MRPS30: variants seen among roughly 807,000 people sequenced by gnomAD.
MRPS30 encodes the protein mitochondrial ribosomal protein S30.
In MRPS30, 42 loss-of-function variants were observed where a neutral mutation model predicts 43.8. That is an observed-to-expected ratio of 0.96 (90% CI 0.75 to 1.24). MRPS30 has a LOEUF of 1.24. Ranked by LOEUF, MRPS30 falls within the 50% of genes most tolerant of loss-of-function variation. The pLI, the probability that MRPS30 is intolerant of heterozygous loss-of-function variation, is 0.00. For synonymous variants in MRPS30, 273 were observed against 228.2 expected (o/e 1.20, Z -1.77); for missense variants, 638 against 570.0 (o/e 1.12, Z -1.22).
intron 1 of MRPS30, 149 bp from the exon 2 acceptor site, chr5:44,810,860 C>T: frequency 1.6e-6 from 1 of 629,736 alleles, no homozygotes; most frequent in Non-Finnish European, 2.6e-6. Flanking sequence ...ATATTTAAGT[C>T]ATAATAGTTA....
chr5:44,812,064 G>C lies in MRPS30; in HGVS notation c.853+44G>C, dbSNP rs141469293. 9.4e-4 allele frequency: 1,298 copies of C among 1,379,916 alleles called. 12 individuals are homozygous for C. The African/African-American group carries it at 0.016, about 17-fold the overall frequency. The allele number at this position is 1,379,916 out of a possible 1,614,324, so 85.5% of individuals were successfully genotyped here. A position where few individuals can be genotyped will look rare whatever the true frequency, so the allele number is the denominator to read the frequency against. On this transcript the variant is annotated intron_variant, in intron 3 of 4. Transcript: ENST00000507110. ...ATATTGTACCATAAATGTGTTCCAA[G>C]TGTCGTATGCAAATTTGGAGTATTG...
intron 3 of MRPS30, 142 bp downstream of exon 3, chr5:44,812,162 AG>A: frequency 2.2e-6 from 1 of 461,986 alleles, no homozygotes; most frequent in Non-Finnish European, 3.9e-6. Context: ...TCGTAATCTC[AG>A]GTTATTACAA....
chr5:44,812,915 T>A (rs554282419), intron 3 of MRPS30, among the ~76,000 whole-genome samples, 191 bp from the exon 4 acceptor site: 12 of 152,156 alleles, frequency 7.9e-5, no homozygotes, highest in Non-Finnish European at 1.6e-4. Context: ...TGAGAAATTA[T>A]GCTTTCCTGT....
rs895447600 is a variant in MRPS30 at position 44,809,216 on chromosome 5, A to G, written c.254A>G (p.Lys85Arg). ...SVDEKLRILT[K>R]MQFMKYMVYP... ...GACGAGAAGCTGCGAATCCTCACCAAGATGCAGTTTATGAAGTACATGGTT... is the reference window on the plus strand; with the variant it reads ...GACGAGAAGCTGCGAATCCTCACCAGGATGCAGTTTATGAAGTACATGGTT... The change falls in exon 1 of 5, where the codon AAG becomes AGG. Residue 85 changes from lysine to arginine, a missense_variant. Coordinates refer to ENST00000507110, the MANE Select transcript of MRPS30 (RefSeq NM_016640.4). 1.9e-6 allele frequency: 3 copies of G among 1,613,600 alleles called. No homozygotes were observed. The Admixed American group carries it at 5.0e-5, about 27-fold the overall frequency.
chr5:44,813,248 T>C lies in MRPS30; in HGVS notation c.996T>C (p.Leu332=), dbSNP rs1742871889. The C allele has an allele frequency of 3.7e-6, 6 of 1,609,170 alleles. 1 individual carries two copies. The South Asian group carries it at 6.7e-5, about 18-fold the overall frequency. The change falls in exon 4 of 5, where the codon CTT becomes CTC. Residue 332 remains leucine, a synonymous_variant. Transcript: ENST00000507110. ...TTAGAGCTAATGCTATTGCAAGCCTTTTTGCTTGGACTGGAGCACAAGCTA... is the reference window on the plus strand; with the variant it reads ...TTAGAGCTAATGCTATTGCAAGCCTCTTTGCTTGGACTGGAGCACAAGCTA... ...VVFRANAIAS[L]FAWTGAQAMY...
chr5:44,812,116 G>T, intron 3 of MRPS30, 96 bp downstream of exon 3: 3 of 817,046 alleles, frequency 3.7e-6, no homozygotes, highest in Non-Finnish European at 3.9e-6. Flanking sequence ...AATTCTCGAA[G>T]ACCGAGAGGT....
At chr5:44,812,998 G>A in intron 3 of MRPS30, 108 bp from the exon 4 acceptor site, 1 of 927,186 alleles carries the variant, frequency 1.1e-6, no homozygotes, top group South Asian at 1.6e-5. Context: ...TTAGAGTACT[G>A]AGAATATGAT....
At position 44,813,086 on chromosome 5, in the gene MRPS30, G is replaced by A. The variant is rs780586707; in HGVS notation, c.854-20G>A. 1 of 1,606,688 alleles carries A rather than the reference G, an allele frequency of 6.2e-7. No homozygotes were observed. Among genetic ancestry groups the A allele is most frequent in the South Asian group, 1.1e-5 (1 of 89,102 alleles). Reference sequence around the variant, plus strand: ...TCTACATGTTTGTTTCATCTGAAATGTTTTTATTTTGCTCTTCAGGCTCAA... The same window carrying A: ...TCTACATGTTTGTTTCATCTGAAATATTTTTATTTTGCTCTTCAGGCTCAA... On this transcript the variant is annotated intron_variant, in intron 3 of 4. Transcript: ENST00000507110.
intron 3 of MRPS30, 86 bp downstream of exon 3, chr5:44,812,106 A>C (rs2111856393): frequency 3.3e-6 from 3 of 921,482 alleles, no homozygotes; most frequent in Non-Finnish European, 4.9e-6. Context: ...ATGAGGAATT[A>C]ATTCTCGAAG....
Position 44,813,143 on chromosome 5 carries a change from C to T in MRPS30, c.891C>T (p.Thr297=). ...KTADPCCYGH[T]QFHLLPDKLR... ...CAGATCCTTGCTGTTACGGTCACAC[C>T]CAGTTTCATCTGTTACCTGACAAAT... The change falls in exon 4 of 5, where the codon ACC becomes ACT. Residue 297 remains threonine, a synonymous_variant. Coordinates refer to ENST00000507110, the MANE Select transcript of MRPS30 (RefSeq NM_016640.4). 1 of 1,613,182 alleles carries T rather than the reference C, an allele frequency of 6.2e-7. No individual in the cohort carries two copies. The highest frequency in any genetic ancestry group is 8.5e-7 in the Non-Finnish European group (1 of 1,179,630).
In MRPS30 at chr5:44,814,895, C is replaced by A; in HGVS notation, c.1031-18C>A. On this transcript the variant is annotated intron_variant, in intron 4 of 4. Transcript: ENST00000507110. ...GATATATTCTATGTGTAAATTTCAG[C>A]ATAACTTTCTTCTACAGGATTCTGG... The A allele has an allele frequency of 6.3e-7, 1 of 1,579,870 alleles. No individual in the cohort carries two copies. Among genetic ancestry groups the A allele is most frequent in the Non-Finnish European group, 8.6e-7 (1 of 1,163,820 alleles).
Position 44,809,271 on chromosome 5 carries a change from C to T in MRPS30, c.309C>T (p.Asp103=), listed in dbSNP as rs144310922. The part of the protein sequence containing the change: ...VYPQTFALNA[D]RWYQYFTKTV... ...CGCAGACCTTCGCGCTGAATGCCGA[C>T]CGCTGGTACCAGTACTTCACCAAGA... Residue 103 remains aspartate, a synonymous_variant, in exon 1 of 5, where the codon GAC becomes GAT. Transcript: ENST00000507110. 6.2e-7 allele frequency: 1 copy of T among 1,613,378 alleles called. No homozygotes were observed. The highest frequency in any genetic ancestry group is 1.3e-5 in the African/African-American group (1 of 74,918).
intron 4 of MRPS30, 137 bp downstream of exon 4, chr5:44,813,419 AGTT>A (rs1339435036): frequency 1.4e-6 from 1 of 693,230 alleles, no homozygotes; most frequent in Non-Finnish European, 2.2e-6. Context: ...CACAAAGTAC[AGTT>A]GTTTTAAAAT....
In MRPS30 at chr5:44,815,209, A is replaced by C. The variant is rs78086852; in HGVS notation, c.*7A>C. 1.9e-6 allele frequency: 3 copies of C among 1,569,988 alleles called. No individual in the cohort carries two copies. Among genetic ancestry groups the C allele is most frequent in the Non-Finnish European group, 2.6e-6 (3 of 1,163,856 alleles). ...ACAGCTGTTGGAAAACTGAAAAAGCATATTTGATTGAGAACTGTGGGAATA... is the reference window on the plus strand; with the variant it reads ...ACAGCTGTTGGAAAACTGAAAAAGCCTATTTGATTGAGAACTGTGGGAATA... On this transcript the variant is annotated 3_prime_UTR_variant, in exon 5 of 5. Coordinates refer to ENST00000507110, the MANE Select transcript of MRPS30 (RefSeq NM_016640.4).
At chr5:44,813,858 GA>G (rs1318765467) in intron 4 of MRPS30, among the ~76,000 whole-genome samples, 1 of 152,036 alleles carries the variant, frequency 6.6e-6, no homozygotes, top group Non-Finnish European at 1.5e-5. Context: ...ATACTATGGG[GA>G]AAATACTTTA....
intron 3 of MRPS30, among the ~76,000 whole-genome samples, 178 bp from the exon 4 acceptor site, chr5:44,812,916 GCTTTCCTGTGAA>G (rs1742865884): frequency 1.3e-5 from 2 of 152,052 alleles, no homozygotes; most frequent in South Asian, 2.1e-4. Flanking sequence ...GAGAAATTAT[GCTTTCCTGTGAA>G]ATTTAATTTT....
chr5:44,812,068 C>A, intron 3 of MRPS30, 48 bp downstream of exon 3: 1 of 1,353,272 alleles, frequency 7.4e-7, no homozygotes, highest in Non-Finnish European at 1.0e-6. Flanking sequence ...TTCCAAGTGT[C>A]GTATGCAAAT....
intron 4 of MRPS30, among the ~76,000 whole-genome samples, chr5:44,814,702 A>T (rs1320745470): frequency 6.6e-6 from 1 of 152,154 alleles, no homozygotes; most frequent in Non-Finnish European, 1.5e-5. Context: ...GAGATTGAGG[A>T]TACTAGAAGG....
rs549267385 is a variant in MRPS30 at position 44,813,399 on chromosome 5, T to G, written c.1030+117T>G. On this transcript the variant is annotated intron_variant, in intron 4 of 4. Transcript: ENST00000507110. ...GGTTGAATCTTAACATTTTTAAACT[T>G]TTGCATTGGCACAAAGTACAGTTGT... 1.9e-4 allele frequency: 160 copies of G among 860,924 alleles called. 1 individual carries two copies. In the African/African-American group the frequency reaches 2.8e-3, roughly 15 times the overall value. 53.3% of individuals were successfully genotyped at this position (860,924 alleles called of 1,614,324 possible).
Sources: allele counts gnomAD v4.1 joint callset (sites outside exome capture counted in the v4.1 genomes callset), GRCh38; gene constraint gnomAD v4.1.1; transcripts MANE v1.5; gene names NCBI Gene and HGNC (gene_info 2026-07-23, HGNC 2026-07-21).